The following SOX5 variants were observed in gnomAD, a reference collection of about 807,000 sequenced individuals.
SOX5 encodes transcription factor SOX-5.
Under a neutral mutation model 92.0 loss-of-function variants are expected in SOX5, and 9 were observed. The observed-to-expected ratio is 0.10, with a 90% CI of 0.06 to 0.17. The LOEUF (loss-of-function observed/expected upper bound fraction) is 0.17, where lower values mean the gene tolerates loss of function less well. Among genes scored for constraint, SOX5 ranks in the 10% least tolerant of loss-of-function variants. The pLI is 1.00. For missense variants in SOX5, 642 were observed against 944.5 expected (o/e 0.68, Z 4.20); for synonymous variants, 344 against 336.3 (o/e 1.02, Z -0.25).
intron 3 of SOX5, among the ~76,000 whole-genome samples, chr12:24,216,883 A>G (rs1205792064): frequency 6.6e-6 from 1 of 151,956 alleles, no homozygotes; most frequent in Admixed American, 6.6e-5. Flanking sequence ...AGCCGAGATC[A>G]CACCACTGCA....
At chr12:23,576,934 G>A (rs1028426306) in intron 9 of SOX5, among the ~76,000 whole-genome samples, 4 of 150,928 alleles carry the variant, frequency 2.7e-5, no homozygotes, top group African/African-American at 7.3e-5. Context: ...GCTATTTCAC[G>A]AGTTAAGAAC....
intron 4 of SOX5, among the ~76,000 whole-genome samples, chr12:24,206,815 G>C (rs1051010411): frequency 6.6e-6 from 1 of 152,148 alleles, no homozygotes; most frequent in Non-Finnish European, 1.5e-5. Flanking sequence ...CTTCCCTGTG[G>C]CTTGTATTTT....
intron 8 of SOX5, among the ~76,000 whole-genome samples, chr12:23,635,582 T>G (rs2079119707): frequency 6.6e-6 from 1 of 151,900 alleles, no homozygotes; most frequent in Non-Finnish European, 1.5e-5. Flanking sequence ...AAATGACAAG[T>G]TAATGGGTGC....
intron 1 of SOX5, among the ~76,000 whole-genome samples, chr12:24,550,550 A>G (rs1566449783): frequency 6.6e-6 from 1 of 152,230 alleles, no homozygotes; most frequent in Non-Finnish European, 1.5e-5. Context: ...AAGCAATCCT[A>G]GATACTAACC....
intron 2 of SOX5, among the ~76,000 whole-genome samples, chr12:24,330,475 G>C (rs1951181534): frequency 6.6e-6 from 1 of 152,220 alleles, no homozygotes. Flanking sequence ...AGCCATACTG[G>C]AGTACAGTCA....
chr12:24,385,670 A>G (rs1958311770), intron 1 of SOX5, among the ~76,000 whole-genome samples: 1 of 151,734 alleles, frequency 6.6e-6, no homozygotes. Context: ...TAAGATTTAT[A>G]TGGCAGCCGG....
chr12:24,473,927 G>C (rs1000814497), intron 1 of SOX5, among the ~76,000 whole-genome samples: 1 of 152,136 alleles, frequency 6.6e-6, no homozygotes. Flanking sequence ...AACAGGCAAT[G>C]CTCAGCAAAA....
chr12:24,549,643 T>C (rs10842369), intron 1 of SOX5, among the ~76,000 whole-genome samples: 47,349 of 151,894 alleles, frequency 0.31, 8,849 homozygotes, highest in East Asian at 0.81. Context: ...AGTTTGGGAG[T>C]CATCTGAAAA....
At chr12:24,206,353 C>T (rs188468335) in intron 4 of SOX5, among the ~76,000 whole-genome samples, 3 of 152,118 alleles carry the variant, frequency 2.0e-5, no homozygotes, top group Non-Finnish European at 2.9e-5. Context: ...AATGGCAGGG[C>T]GTCTGTTAGC....
intron 1 of SOX5, among the ~76,000 whole-genome samples, chr12:24,461,431 C>A (rs4465447): frequency 0.44 from 66,170 of 151,894 alleles, 14,963 homozygotes; most frequent in Non-Finnish European, 0.5. Flanking sequence ...TGCCCAAATG[C>A]ATAAAACCAT....
At chr12:24,049,963 T>C (rs1002323597) in intron 4 of SOX5, among the ~76,000 whole-genome samples, 1 of 151,900 alleles carries the variant, frequency 6.6e-6, no homozygotes. Context: ...TTCTACTATC[T>C]GCTGGATAAC....
At chr12:23,625,852 C>A (rs1221294433) in intron 8 of SOX5, among the ~76,000 whole-genome samples, 1 of 152,202 alleles carries the variant, frequency 6.6e-6, no homozygotes, top group Non-Finnish European at 1.5e-5. Context: ...CATGATCCGC[C>A]TGCCTCGGCC....
intron 3 of SOX5, among the ~76,000 whole-genome samples, chr12:24,251,287 T>C (rs988643686): frequency 6.6e-6 from 1 of 152,212 alleles, no homozygotes; most frequent in African/African-American, 2.4e-5. Flanking sequence ...TCTAATTAAC[T>C]GCCAAAAGTA....
chr12:23,738,674 T>C (rs892751719), intron 5 of SOX5, among the ~76,000 whole-genome samples: 1 of 152,164 alleles, frequency 6.6e-6, no homozygotes, highest in East Asian at 1.9e-4. Flanking sequence ...CCATCAGTCA[T>C]TGCTTAGATC....
At chr12:24,495,429 T>G (rs542689680) in intron 1 of SOX5, among the ~76,000 whole-genome samples, 174 of 152,344 alleles carry the variant, frequency 1.1e-3, no homozygotes, top group African/African-American at 4.1e-3. Flanking sequence ...AAAAGGTATG[T>G]AAAGTATTAG....
chr12:23,949,819 T>TCC (rs1412562491), upstream of SOX5: 1 of 522,250 alleles, frequency 1.9e-6, no homozygotes, highest in East Asian at 3.7e-5. Context: ...TCCCCTCCTC[T>TCC]CTCTCCTAGG....
intron 1 of SOX5, among the ~76,000 whole-genome samples, chr12:24,401,493 C>T (rs1375233600): frequency 4.0e-5 from 6 of 151,890 alleles, no homozygotes; most frequent in African/African-American, 1.2e-4. Context: ...GAGGATCACT[C>T]GAGGCCAGGA....
chr12:24,230,387 G>GA (rs905565034), intron 3 of SOX5, among the ~76,000 whole-genome samples: 7 of 151,866 alleles, frequency 4.6e-5, no homozygotes, highest in African/African-American at 1.7e-4. Flanking sequence ...TTTACCGGTA[G>GA]AAAAAGAAAA....
chr12:23,754,629 T>C (rs995863302), intron 4 of SOX5, among the ~76,000 whole-genome samples: 86 of 151,900 alleles, frequency 5.7e-4, no homozygotes, highest in African/African-American at 2.0e-3. Flanking sequence ...TTTCCGGAAG[T>C]TTTTAGATAT....
Sources: gnomAD v4.1 joint callset for allele counts (sites outside exome capture counted in the v4.1 genomes callset) on GRCh38, gnomAD v4.1.1 for gene constraint, MANE v1.5 for transcripts, NCBI Gene and HGNC (gene_info 2026-07-23, HGNC 2026-07-21) for gene names.